The following WASL variants were observed in gnomAD, a reference collection of about 807,000 sequenced individuals.
WASL encodes WASP like actin nucleation promoting factor.
Under a neutral mutation model 55.5 loss-of-function variants are expected in WASL, and 20 were observed. The observed-to-expected ratio is 0.36, with a 90% CI of 0.25 to 0.52. The LOEUF is 0.52. Ranked by LOEUF, WASL falls within the 20% of genes least tolerant of loss-of-function variation. WASL has a pLI of 0.92. For synonymous variants in WASL, 249 were observed against 217.6 expected (o/e 1.14, Z -1.27); for missense variants, 504 against 622.5 (o/e 0.81, Z 2.03).
intron 1 of WASL, among the ~76,000 whole-genome samples, chr7:123,728,353 T>C (rs116140732): frequency 2.0e-5 from 3 of 152,236 alleles, no homozygotes; most frequent in African/African-American, 7.2e-5. Flanking sequence ...TCTTAGAAAT[T>C]GTCATAAAAG....
chr7:123,745,902 T>A (rs906784873), intron 1 of WASL, among the ~76,000 whole-genome samples: 1 of 152,204 alleles, frequency 6.6e-6, no homozygotes, highest in African/African-American at 2.4e-5. Flanking sequence ...TTATCCATTT[T>A]AAAAAGCTTT....
chr7:123,685,324 T>C (rs996281783), intron 10 of WASL, among the ~76,000 whole-genome samples: 1 of 151,936 alleles, frequency 6.6e-6, no homozygotes, highest in African/African-American at 2.4e-5. Flanking sequence ...TGTCTCTCTC[T>C]CTCCCCAAAC....
chr7:123,704,326 A>T (rs1803634358), intron 5 of WASL, among the ~76,000 whole-genome samples: 1 of 152,196 alleles, frequency 6.6e-6, no homozygotes, highest in Admixed American at 6.5e-5. Flanking sequence ...GTCAACTGTG[A>T]ATCCAGAATT....
intron 5 of WASL, among the ~76,000 whole-genome samples, chr7:123,703,550 A>G (rs1325610046): frequency 6.6e-6 from 1 of 152,188 alleles, no homozygotes; most frequent in Non-Finnish European, 1.5e-5. Flanking sequence ...GAAACTATAC[A>G]ATATTTGGTA....
intron 6 of WASL, 71 bp downstream of exon 6, chr7:123,696,508 C>A (rs1045642615): frequency 4.4e-6 from 6 of 1,369,894 alleles, no homozygotes; most frequent in Non-Finnish European, 5.7e-6. Context: ...AATTTTCTAA[C>A]AAGTTAAAAA....
intron 5 of WASL, among the ~76,000 whole-genome samples, chr7:123,700,929 T>A (rs181742693): frequency 1.3e-5 from 2 of 152,222 alleles, no homozygotes; most frequent in Non-Finnish European, 2.9e-5. Context: ...TGGATTTCTA[T>A]ACATTCAAGA....
At chr7:123,685,839 AATAT>A (rs1218761291) in intron 10 of WASL, among the ~76,000 whole-genome samples, 5 of 147,678 alleles carry the variant, frequency 3.4e-5, no homozygotes, top group Admixed American at 2.0e-4. Context: ...TACACCTATA[AATAT>A]ATAAATACAT....
chr7:123,705,234 G>C (rs1803650980), intron 4 of WASL, among the ~76,000 whole-genome samples: 1 of 152,140 alleles, frequency 6.6e-6, no homozygotes, highest in South Asian at 2.1e-4. Context: ...TTTGAAGGCA[G>C]AGTCAATAGG....
chr7:123,712,191 G>T (rs1178499419), intron 1 of WASL, among the ~76,000 whole-genome samples: 1 of 151,702 alleles, frequency 6.6e-6, no homozygotes, highest in Non-Finnish European at 1.5e-5. Context: ...GTGCTTGTTT[G>T]TGTACCTTGT....
At chr7:123,726,279 T>C (rs1804037970) in intron 1 of WASL, among the ~76,000 whole-genome samples, 1 of 152,190 alleles carries the variant, frequency 6.6e-6, no homozygotes, top group African/African-American at 2.4e-5. Context: ...CAAATGGTGC[T>C]GTATCAAATT....
At chr7:123,720,426 A>G (rs1803924929) in intron 1 of WASL, 1 of 428,248 alleles carries the variant, frequency 2.3e-6, no homozygotes, top group Admixed American at 3.0e-5. Flanking sequence ...GGCAAGATGT[A>G]AAAGTAAGGG....
chr7:123,714,953 C>T (rs1356621694), intron 1 of WASL, among the ~76,000 whole-genome samples: 1 of 151,944 alleles, frequency 6.6e-6, no homozygotes, highest in Non-Finnish European at 1.5e-5. Flanking sequence ...AAAGACCCTA[C>T]CATAGGAAAG....
At position 123,685,430 on chromosome 7, in the gene WASL, C is replaced by A. The variant is rs533448860; in HGVS notation, c.1457-850G>T. Among the ~76,000 whole-genome samples the A allele has an allele frequency of 2.6e-5, 4 of 152,120 alleles. No homozygotes were observed. In the East Asian group the frequency reaches 7.7e-4, roughly 29 times the overall value. ...CACCAATCTTATTCTGGCTTTAGAA[C>A]TTCTGCAGTAGCTATTTCTTCGTTA... is the stretch of plus-strand genomic sequence containing the variant. On this transcript the variant is annotated intron_variant, in intron 10 of 10. Coordinates refer to ENST00000223023, the MANE Select transcript of WASL (RefSeq NM_003941.4).
intron 1 of WASL, among the ~76,000 whole-genome samples, chr7:123,736,540 G>A (rs1804233724): frequency 6.6e-6 from 1 of 152,124 alleles, no homozygotes; most frequent in South Asian, 2.1e-4. Context: ...GTAGGGCTAC[G>A]TCACTGGGTG....
At chr7:123,693,571 T>G (rs191057165) in intron 8 of WASL, among the ~76,000 whole-genome samples, 1 of 152,258 alleles carries the variant, frequency 6.6e-6, no homozygotes, top group Non-Finnish European at 1.5e-5. Flanking sequence ...AGAATTTCCA[T>G]ACACTGCAAA....
intron 1 of WASL, among the ~76,000 whole-genome samples, chr7:123,736,048 T>G (rs1255600788): frequency 6.6e-6 from 1 of 152,046 alleles, no homozygotes; most frequent in Admixed American, 6.5e-5. Flanking sequence ...ATACATTATG[T>G]ACAGAAAATT....
chr7:123,740,116 G>A (rs1460106462), intron 1 of WASL, among the ~76,000 whole-genome samples: 1 of 151,950 alleles, frequency 6.6e-6, no homozygotes, highest in Non-Finnish European at 1.5e-5. Flanking sequence ...AATCATTTCA[G>A]TTTCTAGCTA....
rs142180203 is a variant in WASL, at chr7:123,703,034, T to C, written c.460+1600A>G. Among the ~76,000 whole-genome samples, 891 of 152,290 alleles carry C rather than the reference T, an allele frequency of 5.9e-3. 10 individuals carry two copies. The highest frequency in any genetic ancestry group is 0.014 in the Admixed American group (219 of 15,296). ...AAATAATGTAACAAATTCAAAAAGG[T>C]TGAAATACTAGGCTTATATCAAGGA... On this transcript the variant is annotated intron_variant, in intron 5 of 10. Coordinates refer to ENST00000223023, the MANE Select transcript of WASL (RefSeq NM_003941.4).
At position 123,748,700 on chromosome 7, in the gene WASL, CGCG is replaced by C. The variant is rs752508448; in HGVS notation, c.32_34del (p.Pro11del). ...CAGGGACCCCACGTTGGTGACCCTCCGCGGCGGCGGCGGCTGCTGCTGGACGGA... is the reference window on the plus strand; with the variant it reads ...CAGGGACCCCACGTTGGTGACCCTCCGCGGCGGCGGCTGCTGCTGGACGGA... On this transcript the variant is annotated inframe_deletion, in exon 1 of 11. Coordinates refer to ENST00000223023, the MANE Select transcript of WASL (RefSeq NM_003941.4). 3.7e-5 allele frequency: 59 copies of C among 1,594,966 alleles called. No homozygotes were observed. The highest frequency in any genetic ancestry group is 1.6e-4 in the East Asian group (7 of 43,972).
Sources: allele counts gnomAD v4.1 joint callset (sites outside exome capture counted in the v4.1 genomes callset), GRCh38; gene constraint gnomAD v4.1.1; transcripts MANE v1.5; gene names NCBI Gene and HGNC (gene_info 2026-07-23, HGNC 2026-07-21).